Variants in PAK1 observed in about 807,000 individuals in gnomAD.
PAK1 encodes serine/threonine-protein kinase PAK 1.
A neutral mutation model predicts 67.4 loss-of-function variants in PAK1; 29 were observed. The ratio of observed to expected loss-of-function variants is 0.43; its 90% CI spans 0.32 to 0.59. The LOEUF is 0.59. Among genes scored for constraint, PAK1 ranks in the 20% least tolerant of loss-of-function variants. The probability of loss-of-function intolerance (pLI) is 0.07; values close to 1 mark genes in which losing one functional copy is unlikely to be tolerated. For missense variants in PAK1, 337 were observed against 670.7 expected, an observed-to-expected ratio of 0.50 and a Z score of 5.50; for synonymous variants, 223 against 237.4, an observed-to-expected ratio of 0.94 and a Z score of 0.56.
chr11:77,354,053 C>CA (rs1056023029), intron 7 of PAK1, among the ~76,000 whole-genome samples: 6 of 151,342 alleles, frequency 4.0e-5, no homozygotes, highest in Admixed American at 1.3e-4. Context: ...CACACACACA[C>CA]AAAAAAAAGA....
At chr11:77,493,692 C>T in the PAK1 span, among the ~76,000 whole-genome samples, 4 of 151,878 alleles carry the variant, frequency 2.6e-5, no homozygotes, top group Non-Finnish European at 2.9e-5. Context: ...ACCGAGAGTG[C>T]GTCAGTCGTT....
the PAK1 span, among the ~76,000 whole-genome samples, chr11:77,487,373 C>T: frequency 6.6e-6 from 1 of 152,040 alleles, no homozygotes; most frequent in Admixed American, 6.5e-5. Context: ...GGTGTAAACC[C>T]AGCACATTCC....
intron 7 of PAK1, among the ~76,000 whole-genome samples, chr11:77,354,704 A>T (rs1945767146): frequency 6.6e-6 from 1 of 152,218 alleles, no homozygotes; most frequent in South Asian, 2.1e-4. Flanking sequence ...AAAACAGTGA[A>T]AATTTGTTTT....
intron 14 of PAK1, among the ~76,000 whole-genome samples, chr11:77,324,782 GAGAGAGAGAC>G (rs1203021527): frequency 3.4e-5 from 5 of 146,016 alleles, no homozygotes; most frequent in African/African-American, 1.1e-4. Flanking sequence ...CACACAGAGA[GAGAGAGAGAC>G]AGAGAGAGAG....
intron 5 of PAK1, among the ~76,000 whole-genome samples, chr11:77,368,750 T>C (rs1407876784): frequency 2.0e-5 from 3 of 152,132 alleles, no homozygotes; most frequent in Non-Finnish European, 2.9e-5. Flanking sequence ...TCTGCCTCCC[T>C]GGTTCAAGTG....
chr11:77,364,239 G>A (rs557299861), intron 5 of PAK1, among the ~76,000 whole-genome samples: 1 of 152,162 alleles, frequency 6.6e-6, no homozygotes, highest in South Asian at 2.1e-4. Context: ...TAAAGTAAAA[G>A]CTGGAACAGA....
intron 1 of PAK1, among the ~76,000 whole-genome samples, chr11:77,398,674 T>C (rs1031017475): frequency 6.6e-6 from 1 of 152,240 alleles, no homozygotes; most frequent in Admixed American, 6.5e-5. Context: ...ATATACCAAT[T>C]TCCTTTCTTG....
intron 1 of PAK1, among the ~76,000 whole-genome samples, chr11:77,426,101 T>C (rs936885089): frequency 1.0e-4 from 13 of 130,310 alleles, no homozygotes; most frequent in East Asian, 4.4e-4. Context: ...TTTTTTTTTT[T>C]ACACCACACG....
At chr11:77,364,767 T>G (rs551004637) in intron 5 of PAK1, among the ~76,000 whole-genome samples, 1 of 152,120 alleles carries the variant, frequency 6.6e-6, no homozygotes, top group South Asian at 2.1e-4. Context: ...CAGATATAAA[T>G]ACATTCAAAA....
At chr11:77,389,290 T>C (rs148906945) in intron 2 of PAK1, among the ~76,000 whole-genome samples, 93 of 152,354 alleles carry the variant, frequency 6.1e-4, no homozygotes, top group African/African-American at 2.2e-3. Context: ...AAATATTTCA[T>C]TGTATGGATA....
intron 5 of PAK1, among the ~76,000 whole-genome samples, chr11:77,363,189 G>A (rs1276740042): frequency 6.6e-6 from 1 of 152,160 alleles, no homozygotes; most frequent in Non-Finnish European, 1.5e-5. Context: ...AGAAGAAAAT[G>A]ACTAGGTACT....
intron 1 of PAK1, among the ~76,000 whole-genome samples, chr11:77,396,716 T>A (rs1311785383): frequency 6.6e-6 from 1 of 152,202 alleles, no homozygotes; most frequent in African/African-American, 2.4e-5. Context: ...GCCAAACATT[T>A]CCAGGACCTT....
chr11:77,464,141 A>C (rs953721102), intron 1 of PAK1, among the ~76,000 whole-genome samples: 1 of 152,236 alleles, frequency 6.6e-6, no homozygotes, highest in African/African-American at 2.4e-5. Flanking sequence ...TGAATCAGTC[A>C]GTGTGCTCAA....
intron 1 of PAK1, among the ~76,000 whole-genome samples, chr11:77,397,877 C>T (rs1952047552): frequency 6.6e-6 from 1 of 152,234 alleles, no homozygotes; most frequent in South Asian, 2.1e-4. Flanking sequence ...CCTAAGATCA[C>T]ACAGCAATTT....
At chr11:77,385,539 A>C (rs1282659651) in intron 2 of PAK1, among the ~76,000 whole-genome samples, 1 of 152,210 alleles carries the variant, frequency 6.6e-6, no homozygotes, top group Non-Finnish European at 1.5e-5. Flanking sequence ...ACTTATATCT[A>C]AATAAGGATT....
chr11:77,518,300 T>C, the PAK1 span, among the ~76,000 whole-genome samples: 1 of 152,294 alleles, frequency 6.6e-6, no homozygotes, highest in Non-Finnish European at 1.5e-5. Context: ...TGGGGTCACC[T>C]GGAGAAGCAT....
At chr11:77,325,438 T>G in intron 14 of PAK1, 1 of 1,542,500 alleles carries the variant, frequency 6.5e-7, no homozygotes, top group Non-Finnish European at 8.8e-7. Flanking sequence ...ATATATAAAG[T>G]GCTTAGTGCC....
chr11:77,379,963 C>T lies in PAK1; in HGVS notation c.222G>A (p.Glu74=). The T allele has an allele frequency of 6.2e-7, 1 of 1,613,826 alleles. No homozygotes were observed. The highest frequency in any genetic ancestry group is 8.5e-7 in the Non-Finnish European group (1 of 1,179,836). ...GTTCAAAATCTGAAGGGAGAGAAAT[C>T]TCTGGCCGCTCTTTCTCTTTCTTTT... ...TNKKKEKERP[E]ISLPSDFEHT... is the part of the protein sequence containing the mutation. The change falls in exon 3 of 15, where the codon GAG becomes GAA. Residue 74 remains glutamate, a synonymous_variant. Coordinates refer to ENST00000356341, the MANE Select transcript of PAK1 (RefSeq NM_002576.5).
chr11:77,480,253 G>A, the PAK1 span, among the ~76,000 whole-genome samples: 1 of 151,824 alleles, frequency 6.6e-6, no homozygotes, highest in African/African-American at 2.4e-5. Context: ...TCAGGTTTCT[G>A]CTCAAATGTT....
Sources: gnomAD v4.1 joint callset for allele counts (sites outside exome capture counted in the v4.1 genomes callset) on GRCh38, gnomAD v4.1.1 for gene constraint, MANE v1.5 for transcripts, NCBI Gene and HGNC (gene_info 2026-07-23, HGNC 2026-07-21) for gene names.